Variants in PAK3 observed in about 807,000 individuals in gnomAD.
PAK3 encodes p21 (RAC1) activated kinase 3.
Under a neutral mutation model 41.0 loss-of-function variants are expected in PAK3, and 4 were observed. The observed-to-expected ratio is 0.10, with a 90% CI of 0.05 to 0.22. The LOEUF (loss-of-function observed/expected upper bound fraction) is 0.22. PAK3 is among the 10% of genes least tolerant of loss of function. The pLI, the probability that PAK3 is intolerant of heterozygous loss-of-function variation, is 1.00. For missense variants in PAK3, 205 were observed against 409.9 expected, an observed-to-expected ratio of 0.50 and a Z score of 4.32; for synonymous variants, 146 against 139.6, an observed-to-expected ratio of 1.05 and a Z score of -0.32.
intron 5 of PAK3, among the ~76,000 whole-genome samples, chrX:111,136,947 A>G (rs1603290197): frequency 8.9e-6 from 1 of 111,789 alleles, no homozygotes; most frequent in African/African-American, 3.3e-5. Flanking sequence ...GGTTTAAAAG[A>G]TGGCTGTGGG....
At chrX:111,101,388 G>A (rs1331708294) in intron 3 of PAK3, among the ~76,000 whole-genome samples, 1 of 112,079 alleles carries the variant, frequency 8.9e-6, no homozygotes, top group East Asian at 2.8e-4. Flanking sequence ...CAAGCAAGTG[G>A]TGAAATAAAG....
At chrX:111,071,951 C>G (rs2092748789) in intron 1 of PAK3, among the ~76,000 whole-genome samples, 1 of 112,123 alleles carries the variant, frequency 8.9e-6, no homozygotes, top group South Asian at 3.7e-4. Context: ...AGCTAACAAA[C>G]AGATACACAT....
At chrX:111,051,292 G>A (rs907268149) in intron 1 of PAK3, among the ~76,000 whole-genome samples, 3 of 111,508 alleles carry the variant, frequency 2.7e-5, no homozygotes, top group African/African-American at 9.8e-5. Context: ...AATATTTGTT[G>A]AATATGAATA....
intron 1 of PAK3, among the ~76,000 whole-genome samples, chrX:110,973,188 C>A (rs1482861530): frequency 1.8e-5 from 2 of 111,569 alleles, no homozygotes. Context: ...GGCAAGCCAA[C>A]ATTCAAATTC....
In PAK3 at chrX:111,223,555, C is replaced by T. The variant is rs1166758135; in HGVS notation, c.*3108C>T. 1 of 110,010 alleles carries T rather than the reference C, an allele frequency of 9.1e-6. No homozygotes were observed. The highest frequency in any genetic ancestry group is 1.9e-5 in the Non-Finnish European group (1 of 52,853). The allele number at this position is 110,010 out of a possible 1,213,427, so 9.1% of individuals were successfully genotyped here. On this transcript the variant is annotated 3_prime_UTR_variant, in exon 18 of 18. Transcript: ENST00000372007. ...TTTATTCTTTATGTTATTCAGATTT[C>T]TTTCAGGCTTGTGAACTGCACCCCA...
upstream of PAK3, among the ~76,000 whole-genome samples, chrX:111,096,170 C>G (rs911157718): frequency 1.4e-4 from 16 of 112,259 alleles, no homozygotes; most frequent in African/African-American, 4.5e-4. Context: ...GGCTAGGGAG[C>G]GGTTGCCGAG....
chrX:110,980,099 G>A (rs768634135), intron 1 of PAK3, among the ~76,000 whole-genome samples: 1 of 111,781 alleles, frequency 8.9e-6, no homozygotes, highest in Non-Finnish European at 1.9e-5. Flanking sequence ...TAGCAATCTC[G>A]CATGTCAAAA....
chrX:111,068,132 T>C (rs2092714492), intron 1 of PAK3, among the ~76,000 whole-genome samples: 1 of 111,941 alleles, frequency 8.9e-6, no homozygotes. Context: ...TTTGGCTTCC[T>C]GGTGATATTT....
chrX:111,014,955 C>T (rs2092066480), intron 1 of PAK3, among the ~76,000 whole-genome samples: 1 of 111,174 alleles, frequency 9.0e-6, no homozygotes, highest in Admixed American at 9.6e-5. Flanking sequence ...TTACCACTCT[C>T]TGAAGTCCCT....
chrX:110,973,104 T>A (rs1330345572), intron 1 of PAK3, among the ~76,000 whole-genome samples: 1 of 111,668 alleles, frequency 9.0e-6, no homozygotes, highest in Admixed American at 9.5e-5. Flanking sequence ...TACCTGAAAG[T>A]GATGGGGTGA....
intron 1 of PAK3, among the ~76,000 whole-genome samples, chrX:111,081,966 A>G (rs1454649664): frequency 8.9e-6 from 1 of 112,086 alleles, no homozygotes; most frequent in Non-Finnish European, 1.9e-5. Context: ...AAGGTTGTTC[A>G]TTGCATTTAA....
At chrX:111,009,535 T>A (rs1418140590) in intron 1 of PAK3, among the ~76,000 whole-genome samples, 4 of 111,449 alleles carry the variant, frequency 3.6e-5, no homozygotes, top group Non-Finnish European at 3.8e-5. Context: ...AAAGGCTTAT[T>A]ATCAATTATG....
At chrX:111,114,049 C>T (rs955126189) in intron 4 of PAK3, among the ~76,000 whole-genome samples, 6 of 112,168 alleles carry the variant, frequency 5.3e-5, no homozygotes, top group Non-Finnish European at 1.1e-4. Context: ...GGGTTGGTTC[C>T]AAGTCTTTGC....
In PAK3 at chrX:111,028,044, C is replaced by T. The variant is rs916262986; in HGVS notation, c.-28+83416C>T. 1.9e-3 allele frequency among the ~76,000 whole-genome samples: 13 copies of T among 6,849 alleles called. No individual in the cohort carries two copies. The East Asian group carries it at 0.12, about 64-fold the overall frequency. 5.9% of individuals were successfully genotyped at this position (6,849 alleles called of 115,157 possible). ...ATATATATGTGTGTATATATATATA[C>T]ACACACCATGGAATACTACTCAGCC... On this transcript the variant is annotated intron_variant, in intron 1 of 14. Transcript: ENST00000425146.
At position 110,994,990 on chromosome X, in the gene PAK3, T is replaced by C. The variant is rs1441228902; in HGVS notation, c.-28+50362T>C. ...CACAGTGCTCAGCCTAAAATGGGTA[T>C]TAAATAAATTATGGCAATTACTGAT... On this transcript the variant is annotated intron_variant, in intron 1 of 14. Transcript: ENST00000425146. 2.7e-5 allele frequency among the ~76,000 whole-genome samples: 3 copies of C among 112,141 alleles called. No individual in the cohort carries two copies. In the Admixed American group the frequency reaches 2.8e-4, roughly 11 times the overall value.
Position 111,057,820 on chromosome X carries a change from A to G in PAK3, c.-27-65257A>G, listed in dbSNP as rs184438039. ...CCTGAAAAGGAAGCTTGCACCCATTAGCAGTCACTCCCCGCTCTCCCCTAC... is the reference window on the plus strand; with the variant it reads ...CCTGAAAAGGAAGCTTGCACCCATTGGCAGTCACTCCCCGCTCTCCCCTAC... On this transcript the variant is annotated intron_variant, in intron 1 of 14. Transcript: ENST00000425146. 7.7e-3 allele frequency among the ~76,000 whole-genome samples: 858 copies of G among 111,809 alleles called. 11 individuals are homozygous for G. The highest frequency in any genetic ancestry group is 0.026 in the African/African-American group (816 of 30,807).
chrX:111,097,593 T>C lies in PAK3; in HGVS notation c.-267T>C, dbSNP rs1231617637. ...TTTGCAGACTCAAATCCAGGCCAAGTGTATGGCTGTCTGAGGTATTGGAAC... is the reference window on the plus strand; with the variant it reads ...TTTGCAGACTCAAATCCAGGCCAAGCGTATGGCTGTCTGAGGTATTGGAAC... On this transcript the variant is annotated 5_prime_UTR_variant, in exon 3 of 18. Coordinates refer to ENST00000372007, the MANE Select transcript of PAK3 (RefSeq NM_002578.5). The C allele has an allele frequency of 1.8e-5, 2 of 110,719 alleles. No individual in the cohort carries two copies. Among genetic ancestry groups the C allele is most frequent in the East Asian group, 2.9e-4 (1 of 3,508 alleles). 9.1% of individuals were successfully genotyped at this position (110,719 alleles called of 1,213,427 possible).
intron 1 of PAK3, among the ~76,000 whole-genome samples, chrX:111,059,351 T>A (rs2092635441): frequency 9.0e-6 from 1 of 110,841 alleles, no homozygotes; most frequent in Non-Finnish European, 1.9e-5. Flanking sequence ...TGTAATTTTT[T>A]TGTAGAGACA....
At chrX:111,084,316 A>G (rs2092860963) in intron 1 of PAK3, among the ~76,000 whole-genome samples, 1 of 112,807 alleles carries the variant, frequency 8.9e-6, no homozygotes, top group Non-Finnish European at 1.9e-5. Context: ...AAACTAGGTC[A>G]GAGGCACATC....
Sources: gnomAD v4.1 joint callset for allele counts (sites outside exome capture counted in the v4.1 genomes callset) on GRCh38, gnomAD v4.1.1 for gene constraint, MANE v1.5 for transcripts, NCBI Gene and HGNC (gene_info 2026-07-23, HGNC 2026-07-21) for gene names.